TPCN1: variants seen among roughly 807,000 people sequenced by gnomAD.
TPCN1 encodes the protein two pore segment channel 1.
TPCN1 carries 52 observed loss-of-function variants against 108.8 expected under a neutral mutation model. That is an observed-to-expected ratio of 0.48 (90% CI 0.38 to 0.60). The LOEUF (loss-of-function observed/expected upper bound fraction) is 0.60, where lower values mean the gene tolerates loss of function less well. TPCN1 is among the 20% of genes least tolerant of loss of function. The pLI is 0.00. For synonymous variants in TPCN1, 446 were observed against 433.7 expected (o/e 1.03, Z -0.35); for missense variants, 806 against 1,072.8 (o/e 0.75, Z 3.47).
rs116168146 is a variant in TPCN1 at position 113,288,997 on chromosome 12, T to A, written c.1796+150T>A. 7,232 of 742,850 alleles carry A rather than the reference T, an allele frequency of 9.7e-3. 361 individuals carry two copies. The African/African-American group carries it at 0.11, about 11-fold the overall frequency. 46.0% of individuals were successfully genotyped at this position (742,850 alleles called of 1,614,324 possible). A position where few individuals can be genotyped will look rare whatever the true frequency, so the allele number is the denominator to read the frequency against. ...GCTTTGCTTTCAGGGCTTAGTTGAG[T>A]GCAGTGAGCTAAATGAGGGGCCTGG... On this transcript the variant is annotated intron_variant, in intron 21 of 27. Transcript: ENST00000335509. This position sits in a 1 kb window ranked among gnomAD's most constrained non-coding sequence, Gnocchi z 4.8.
intron 2 of TPCN1, among the ~76,000 whole-genome samples, chr12:113,227,975 G>T (rs549127791): frequency 6.6e-6 from 1 of 152,256 alleles, no homozygotes; most frequent in African/African-American, 2.4e-5. Flanking sequence ...CCTCATCTAG[G>T]GTGGCAGAGC....
At position 113,266,741 on chromosome 12, in the gene TPCN1, G is replaced by A. The variant is rs1173002559; in HGVS notation, c.414+385G>A. On this transcript the variant is annotated intron_variant, in intron 4 of 27. Coordinates refer to ENST00000335509, the MANE Select transcript of TPCN1 (RefSeq NM_017901.6). The surrounding 1 kb of genome is among the most constrained non-coding windows in gnomAD (Gnocchi z 4.2). ...CCATGGGAGGTGGGGGATGTTTCCT[G>A]GGCAGCCCCAGCCCCGCAGATGTCC... 1.3e-5 allele frequency among the ~76,000 whole-genome samples: 2 copies of A among 152,154 alleles called. No homozygotes were observed. The highest frequency in any genetic ancestry group is 4.8e-5 in the African/African-American group (2 of 41,442).
In TPCN1 at chr12:113,275,600, A is replaced by G. The variant is rs539696764; in HGVS notation, c.943-1319A>G. ...TCCTTTTTTTTTTTTTGAGACAGAG[A>G]CTTGCTCTGTTGCCCAGGCTGTAGT... On this transcript the variant is annotated intron_variant, in intron 10 of 27. Transcript: ENST00000335509. 2.4e-4 allele frequency among the ~76,000 whole-genome samples: 33 copies of G among 135,826 alleles called. 2 individuals carry two copies. In the South Asian group the frequency reaches 7.4e-3, roughly 30 times the overall value. 89.1% of individuals were successfully genotyped at this position (135,826 alleles called of 152,430 possible).
intron 2 of TPCN1, among the ~76,000 whole-genome samples, chr12:113,235,660 G>A (rs899542638): frequency 1.1e-4 from 16 of 152,180 alleles, no homozygotes; most frequent in African/African-American, 2.7e-4. Flanking sequence ...GAAGAAGTGC[G>A]TCAAGTATAG....
At chr12:113,280,791 C>G (rs1955862275) in intron 15 of TPCN1, among the ~76,000 whole-genome samples, 1 of 152,136 alleles carries the variant, frequency 6.6e-6, no homozygotes, top group Non-Finnish European at 1.5e-5. Context: ...GAGGCTTGAT[C>G]CAATTTGGTC....
intron 4 of TPCN1, among the ~76,000 whole-genome samples, chr12:113,267,345 T>C (rs117304203): frequency 0.016 from 2,423 of 152,314 alleles, 27 homozygotes; most frequent in Middle Eastern, 0.034. Flanking sequence ...GTAAATTACA[T>C]GAAATCCCTC....
intron 2 of TPCN1, among the ~76,000 whole-genome samples, chr12:113,236,788 A>T (rs1328181689): frequency 6.6e-6 from 1 of 152,102 alleles, no homozygotes; most frequent in African/African-American, 2.4e-5. Flanking sequence ...CTTTGGGCAG[A>T]TGATGTAACC....
In TPCN1 at chr12:113,297,275, C is replaced by T. The variant is rs962782615; in HGVS notation, c.*1199C>T. 2.0e-5 allele frequency: 3 copies of T among 153,248 alleles called. No individual in the cohort carries two copies. The highest frequency in any genetic ancestry group is 2.9e-5 in the Non-Finnish European group (2 of 68,330). The allele number at this position is 153,248 out of a possible 1,614,324, so 9.5% of individuals were successfully genotyped here. On this transcript the variant is annotated 3_prime_UTR_variant, in exon 28 of 28. Transcript: ENST00000335509. The surrounding 1 kb of genome is among the most constrained non-coding windows in gnomAD (Gnocchi z 4.4). ...ACAGAGGCAGGGTCAGTGCAGAGGT[C>T]GCTTTGGTTCCGCTTCCCTGGGCCA...
chr12:113,254,655 G>A (rs757861004), intron 2 of TPCN1, among the ~76,000 whole-genome samples: 6 of 152,090 alleles, frequency 3.9e-5, no homozygotes, highest in Non-Finnish European at 8.8e-5. Context: ...GAGTATTTGC[G>A]TTATACTTAC....
intron 27 of TPCN1, among the ~76,000 whole-genome samples, chr12:113,294,881 A>G (rs1593222583): frequency 6.6e-6 from 1 of 152,238 alleles, no homozygotes; most frequent in South Asian, 2.1e-4. Context: ...TGGCATTCTA[A>G]TAGCTTGAAG....
chr12:113,282,010 T>C (rs1202377069), intron 15 of TPCN1, among the ~76,000 whole-genome samples: 1 of 146,206 alleles, frequency 6.8e-6, no homozygotes, highest in Non-Finnish European at 1.5e-5. Context: ...AACCTCTGCC[T>C]CCCAGGTTCA....
rs549561982 is a variant in TPCN1 at position 113,243,171 on chromosome 12, A to G, written c.112+16207A>G. Among the ~76,000 whole-genome samples the G allele has an allele frequency of 7.3e-4, 111 of 152,182 alleles. 1 individual carries two copies. The highest frequency in any genetic ancestry group is 1.2e-3 in the Non-Finnish European group (80 of 68,006). On this transcript the variant is annotated intron_variant, in intron 2 of 27. Transcript: ENST00000335509. ...GATCACTTGATGTCAGAAGTTCAAG[A>G]CCAGCCTAGCCAACATGGTGAAACC... is the stretch of plus-strand genomic sequence containing the variant.
At chr12:113,222,205 C>T (rs1276984548) in intron 1 of TPCN1, among the ~76,000 whole-genome samples, 1 of 152,102 alleles carries the variant, frequency 6.6e-6, no homozygotes, top group Non-Finnish European at 1.5e-5. Context: ...GGAAAAATGA[C>T]GTGTTTGAAT....
intron 7 of TPCN1, among the ~76,000 whole-genome samples, chr12:113,270,202 C>CAA (rs562040991): frequency 7.2e-6 from 1 of 138,938 alleles, no homozygotes; most frequent in Admixed American, 7.2e-5. Flanking sequence ...GACTTTGTCT[C>CAA]AAAAAAAAAA....
rs774036028 is a variant in TPCN1 at position 113,277,228 on chromosome 12, C to T, written c.1060-12C>T. 2 of 1,611,928 alleles carry T rather than the reference C, an allele frequency of 1.2e-6. No individual in the cohort carries two copies. The highest frequency in any genetic ancestry group is 3.4e-5 in the Admixed American group (2 of 59,580). On this transcript the variant is annotated splice_polypyrimidine_tract_variant and intron_variant, in intron 11 of 27. Transcript: ENST00000335509. ...TAGCCTGGGTTCCACACTGCTCTTC[C>T]CTCTCCCCCAGAGGCCTGCCGGCAT...
In TPCN1 at chr12:113,288,614, C is replaced by T; in HGVS notation, c.1707-144C>T. ...CACCCCAGAGCTGCCCCACGAGGCC[C>T]CTTCCCCGCAGGCACTTTCCAGTTG... On this transcript the variant is annotated intron_variant, in intron 20 of 27. Coordinates refer to ENST00000335509, the MANE Select transcript of TPCN1 (RefSeq NM_017901.6). The surrounding 1 kb of genome is among the most constrained non-coding windows in gnomAD (Gnocchi z 4.8). The T allele has an allele frequency of 1.3e-6, 2 of 1,514,330 alleles. No individual in the cohort carries two copies. Among genetic ancestry groups the T allele is most frequent in the South Asian group, 1.3e-5 (1 of 78,938 alleles). The allele number at this position is 1,514,330 out of a possible 1,614,324, so 93.8% of individuals were successfully genotyped here.
At position 113,269,431 on chromosome 12, in the gene TPCN1, A is replaced by G. The variant is rs886460420; in HGVS notation, c.660-326A>G. 1.3e-5 allele frequency among the ~76,000 whole-genome samples: 2 copies of G among 152,102 alleles called. No individual in the cohort carries two copies. Among genetic ancestry groups the G allele is most frequent in the African/African-American group, 4.8e-5 (2 of 41,414 alleles). On this transcript the variant is annotated intron_variant, in intron 6 of 27. Coordinates refer to ENST00000335509, the MANE Select transcript of TPCN1 (RefSeq NM_017901.6). The surrounding 1 kb of genome is among the most constrained non-coding windows in gnomAD (Gnocchi z 5.0). ...CTTGAAATGTCTTCATGCCTTCCAC[A>G]TCCTGCTCATGGAAACTGACCTTTG...
At position 113,276,936 on chromosome 12, in the gene TPCN1, C is replaced by T. The variant is rs372587316; in HGVS notation, c.960C>T (p.Phe320=). 7.2e-5 allele frequency: 116 copies of T among 1,613,494 alleles called. No individual in the cohort carries two copies. The highest frequency in any genetic ancestry group is 9.6e-5 in the Non-Finnish European group (113 of 1,179,790). ...TCCCACAGCTTCTGGCTGTGGTGTT[C>T]GACACCTTCAATGACATTGAGAAAC... The part of the protein sequence containing the change: ...FIMNLLLAVV[F]DTFNDIEKRK... The change falls in exon 11 of 28, where the codon TTC becomes TTT. Residue 320 remains phenylalanine (F), a synonymous_variant. Coordinates refer to ENST00000335509, the MANE Select transcript of TPCN1 (RefSeq NM_017901.6).
intron 2 of TPCN1, among the ~76,000 whole-genome samples, chr12:113,239,554 A>G (rs962903419): frequency 6.6e-6 from 1 of 152,238 alleles, no homozygotes; most frequent in Non-Finnish European, 1.5e-5. Flanking sequence ...CCGGTTTCCA[A>G]AAACATCCAG....
Sources: gnomAD v4.1 joint callset for allele counts (sites outside exome capture counted in the v4.1 genomes callset) on GRCh38, gnomAD v4.1.1 for gene constraint, Gnocchi (gnomAD v3.1) non-coding constraint, MANE v1.5 for transcripts, NCBI Gene and HGNC (gene_info 2026-07-23, HGNC 2026-07-21) for gene names.